The following DOK6 variants were observed in gnomAD, a reference collection of about 807,000 sequenced individuals.
DOK6 encodes the protein docking protein 6.
DOK6 carries 22 observed loss-of-function variants against 44.0 expected under a neutral mutation model. The observed-to-expected ratio is 0.50, with a 90% CI of 0.36 to 0.71. The LOEUF (loss-of-function observed/expected upper bound fraction) is 0.71, where lower values mean the gene tolerates loss of function less well. Among genes scored for constraint, DOK6 ranks in the 30% least tolerant of loss-of-function variants. DOK6 has a pLI of 0.00. For missense variants in DOK6, 340 were observed against 416.4 expected (o/e 0.82, Z 1.60); for synonymous variants, 166 against 145.5 (o/e 1.14, Z -1.01).
At chr18:69,827,422 T>A (rs979247632) in intron 7 of DOK6, among the ~76,000 whole-genome samples, 8 of 152,054 alleles carry the variant, frequency 5.3e-5, no homozygotes, top group Non-Finnish European at 1.5e-5. Context: ...TTCCTGATGA[T>A]CAGAATGCTT....
intron 1 of DOK6, among the ~76,000 whole-genome samples, chr18:69,409,646 C>G (rs550952904): frequency 4.6e-4 from 70 of 152,218 alleles, no homozygotes; most frequent in Middle Eastern, 3.4e-3. Context: ...CATTTTATGT[C>G]TACATTGGTC....
intron 4 of DOK6, among the ~76,000 whole-genome samples, chr18:69,680,949 A>T (rs1473933301): frequency 6.6e-6 from 1 of 152,220 alleles, no homozygotes; most frequent in Non-Finnish European, 1.5e-5. Flanking sequence ...TCACTCTTCC[A>T]GACTCTTCAA....
intron 1 of DOK6, among the ~76,000 whole-genome samples, chr18:69,544,604 G>T (rs566362373): frequency 6.6e-6 from 1 of 151,458 alleles, no homozygotes. Context: ...ATATAGTTGT[G>T]CTCAGGCCAC....
intron 1 of DOK6, among the ~76,000 whole-genome samples, chr18:69,503,093 T>A (rs572886826): frequency 6.6e-6 from 1 of 152,274 alleles, no homozygotes; most frequent in East Asian, 1.9e-4. Flanking sequence ...ATCCTTGCAT[T>A]TTCAAAATAG....
At chr18:69,754,702 C>A (rs1025396231) in intron 6 of DOK6, among the ~76,000 whole-genome samples, 1 of 152,174 alleles carries the variant, frequency 6.6e-6, no homozygotes, top group African/African-American at 2.4e-5. Flanking sequence ...TCCTTAATAG[C>A]CTTTTCTCTG....
intron 1 of DOK6, among the ~76,000 whole-genome samples, chr18:69,489,444 A>G (rs545036964): frequency 1.3e-5 from 2 of 152,166 alleles, no homozygotes; most frequent in Non-Finnish European, 2.9e-5. Flanking sequence ...AGTGATTTCA[A>G]ATTAATAGCT....
intron 7 of DOK6, among the ~76,000 whole-genome samples, chr18:69,808,767 T>C (rs541540500): frequency 9.2e-5 from 14 of 151,782 alleles, no homozygotes; most frequent in African/African-American, 3.4e-4. Context: ...AACAGAACAA[T>C]AACAAGTACA....
At chr18:69,612,399 T>TTGTGTGAGAGGGCGCA (rs61589651) in intron 3 of DOK6, among the ~76,000 whole-genome samples, 1 of 62,414 alleles carries the variant, frequency 1.6e-5, no homozygotes, top group Admixed American at 1.4e-4. Flanking sequence ...CGAAGAGACT[T>TTGTGTGAGAGGGCGCA]TGTGTGCGAG....
In DOK6 at chr18:69,410,371, C is replaced by T. The variant is rs1371403409; in HGVS notation, c.66+9061C>T. Among the ~76,000 whole-genome samples, 4 of 152,148 alleles carry T rather than the reference C, an allele frequency of 2.6e-5. No individual in the cohort carries two copies. The East Asian group carries it at 7.7e-4, about 29-fold the overall frequency. ...TCCCTCAAGTGCTTTTAATGTGACA[C>T]CAGAGTTGATAATTGTTGCCATCAA... On this transcript the variant is annotated intron_variant, in intron 1 of 7. Coordinates refer to ENST00000382713, the MANE Select transcript of DOK6 (RefSeq NM_152721.6).
chr18:69,500,307 C>G (rs1981011776), intron 1 of DOK6, among the ~76,000 whole-genome samples: 1 of 152,134 alleles, frequency 6.6e-6, no homozygotes, highest in African/African-American at 2.4e-5. Flanking sequence ...TTTGTACTTG[C>G]TCCCTCCTCA....
chr18:69,489,209 A>G (rs1980668727), intron 1 of DOK6, among the ~76,000 whole-genome samples: 1 of 152,224 alleles, frequency 6.6e-6, no homozygotes, highest in Non-Finnish European at 1.5e-5. Context: ...AAATACTTGC[A>G]TAGTTCTGAA....
At chr18:69,746,155 C>G (rs1021856131) in intron 6 of DOK6, among the ~76,000 whole-genome samples, 1 of 152,128 alleles carries the variant, frequency 6.6e-6, no homozygotes, top group African/African-American at 2.4e-5. Context: ...TGATTGCAGA[C>G]GGAAATGATG....
intron 7 of DOK6, among the ~76,000 whole-genome samples, chr18:69,829,366 TC>T (rs1322274032): frequency 6.6e-6 from 1 of 152,022 alleles, no homozygotes; most frequent in African/African-American, 2.4e-5. Flanking sequence ...TCTAATATTA[TC>T]CTGCACCATT....
chr18:69,605,934 G>T (rs1339584624), intron 3 of DOK6, among the ~76,000 whole-genome samples: 2 of 152,100 alleles, frequency 1.3e-5, no homozygotes, highest in Non-Finnish European at 2.9e-5. Flanking sequence ...GGAAAGCAAT[G>T]AATATAACTG....
At chr18:69,646,915 A>G (rs1391305706) in intron 3 of DOK6, among the ~76,000 whole-genome samples, 1 of 152,130 alleles carries the variant, frequency 6.6e-6, no homozygotes, top group African/African-American at 2.4e-5. Context: ...ATTGCTAAGC[A>G]TGCTCCTCCA....
At chr18:69,751,557 A>G (rs1979179332) in intron 6 of DOK6, among the ~76,000 whole-genome samples, 1 of 152,224 alleles carries the variant, frequency 6.6e-6, no homozygotes, top group Admixed American at 6.5e-5. Context: ...GAGTGTGTGT[A>G]GAGAGATTCT....
chr18:69,432,382 T>C (rs1229963030), intron 1 of DOK6, among the ~76,000 whole-genome samples: 1 of 152,152 alleles, frequency 6.6e-6, no homozygotes, highest in African/African-American at 2.4e-5. Context: ...AGGTCAAGGC[T>C]GCAGTGAGCC....
chr18:69,560,218 C>T (rs1417526518), intron 1 of DOK6, among the ~76,000 whole-genome samples: 1 of 152,108 alleles, frequency 6.6e-6, no homozygotes, highest in African/African-American at 2.4e-5. Flanking sequence ...AATAGCAGAA[C>T]CTGCACTAAA....
At chr18:69,542,549 G>A (rs552049812) in intron 1 of DOK6, among the ~76,000 whole-genome samples, 70 of 151,522 alleles carry the variant, frequency 4.6e-4, no homozygotes, top group African/African-American at 1.3e-3. Flanking sequence ...GTCCAGTTAC[G>A]TAGCGCTACA....
Sources: gnomAD v4.1 joint callset for allele counts (sites outside exome capture counted in the v4.1 genomes callset) on GRCh38, gnomAD v4.1.1 for gene constraint, MANE v1.5 for transcripts, NCBI Gene and HGNC (gene_info 2026-07-23, HGNC 2026-07-21) for gene names.